Variants in SLC9A9 observed in about 807,000 individuals in gnomAD.
The protein encoded by SLC9A9 is sodium/hydrogen exchanger 9.
Under a neutral mutation model 77.8 loss-of-function variants are expected in SLC9A9, and 62 were observed. That is an observed-to-expected ratio of 0.80 (90% CI 0.65 to 0.98). The LOEUF is 0.98. Ranked by LOEUF, SLC9A9 falls within the 50% of genes least tolerant of loss-of-function variation. The pLI, the probability that SLC9A9 is intolerant of heterozygous loss-of-function variation, is 0.00. For synonymous variants in SLC9A9, 320 were observed against 283.5 expected (o/e 1.13, Z -1.29); for missense variants, 775 against 774.9 (o/e 1.00, Z 0.00).
intron 2 of SLC9A9, among the ~76,000 whole-genome samples, chr3:143,801,854 C>T (rs563878986): frequency 8.5e-5 from 13 of 152,322 alleles, no homozygotes; most frequent in African/African-American, 2.6e-4. Flanking sequence ...CCTTCCACAT[C>T]CTGCACCACC....
rs1687287669 is a variant in SLC9A9, at chr3:143,530,613, T to A, written c.1089+21749A>T. On this transcript the variant is annotated intron_variant, in intron 9 of 15. Transcript: ENST00000316549. ...GACCAAATGGAAAAGTGTGCATGCA[T>A]TATCTCAAGTCCATCAGAAATCTGA... Among the ~76,000 whole-genome samples the A allele has an allele frequency of 2.6e-5, 4 of 152,098 alleles. No homozygotes were observed. In the South Asian group the frequency reaches 8.3e-4, roughly 32 times the overall value.
intron 4 of SLC9A9, among the ~76,000 whole-genome samples, chr3:143,696,829 T>A (rs888092402): frequency 6.6e-6 from 1 of 152,054 alleles, no homozygotes; most frequent in Admixed American, 6.6e-5. Flanking sequence ...TATGGCAGGG[T>A]TACATGGAAA....
At chr3:143,305,172 A>C (rs892382750) in intron 14 of SLC9A9, among the ~76,000 whole-genome samples, 4 of 152,178 alleles carry the variant, frequency 2.6e-5, no homozygotes. Context: ...GGGTAGGCTG[A>C]GAAAGGGAGG....
intron 14 of SLC9A9, among the ~76,000 whole-genome samples, chr3:143,294,806 A>C (rs1559855930): frequency 6.6e-6 from 1 of 152,244 alleles, no homozygotes; most frequent in Non-Finnish European, 1.5e-5. Flanking sequence ...CTGGGATTCC[A>C]ACCTTGATGT....
chr3:143,721,335 T>G (rs979158164), intron 4 of SLC9A9, among the ~76,000 whole-genome samples: 5 of 152,188 alleles, frequency 3.3e-5, no homozygotes, highest in African/African-American at 1.2e-4. Context: ...AAGGAAGACA[T>G]ACACATGAAC....
intron 9 of SLC9A9, among the ~76,000 whole-genome samples, chr3:143,549,403 A>T (rs1263723046): frequency 6.6e-6 from 1 of 152,220 alleles, no homozygotes; most frequent in African/African-American, 2.4e-5. Context: ...ATAAGAAAAA[A>T]ATAAGCAGAA....
rs188385995 is a variant in SLC9A9, at chr3:143,467,584, T to C, written c.1316-394A>G. ...CAAAGCAAGACCCTGTCTCTACAGA[T>C]TTTTTTTTAAATTAGCCAGGCATGG... On this transcript the variant is annotated intron_variant, in intron 11 of 15. Transcript: ENST00000316549. Among the ~76,000 whole-genome samples, 1,243 of 147,734 alleles carry C rather than the reference T, an allele frequency of 8.4e-3. 4 individuals are homozygous for C. Among genetic ancestry groups the C allele is most frequent in the Non-Finnish European group, 0.014 (958 of 67,796 alleles).
chr3:143,367,789 G>A (rs1469609381), intron 13 of SLC9A9, among the ~76,000 whole-genome samples: 1 of 152,122 alleles, frequency 6.6e-6, no homozygotes, highest in Non-Finnish European at 1.5e-5. Flanking sequence ...AGTTGAATCT[G>A]GAACTTGATG....
intron 9 of SLC9A9, chr3:143,518,230 G>C (rs959628519): frequency 4.4e-6 from 7 of 1,594,642 alleles, no homozygotes; most frequent in Non-Finnish European, 5.9e-6. Context: ...GGGGGTCCAT[G>C]GCAGGGAGGT....
chr3:143,599,795 A>T (rs2037814327), intron 6 of SLC9A9, among the ~76,000 whole-genome samples: 1 of 152,248 alleles, frequency 6.6e-6, no homozygotes, highest in Non-Finnish European at 1.5e-5. Flanking sequence ...GACCTGTAAG[A>T]AATCAAAGGG....
At chr3:143,731,890 G>A (rs1199609548) in intron 4 of SLC9A9, among the ~76,000 whole-genome samples, 1 of 152,164 alleles carries the variant, frequency 6.6e-6, no homozygotes, top group Non-Finnish European at 1.5e-5. Flanking sequence ...CAACGGATGT[G>A]AGACATCACT....
chr3:143,344,762 T>A (rs1487047794), intron 14 of SLC9A9, among the ~76,000 whole-genome samples: 1 of 152,180 alleles, frequency 6.6e-6, no homozygotes, highest in Non-Finnish European at 1.5e-5. Context: ...TTTCCTGGCA[T>A]GTAATTGTTT....
At chr3:143,641,554 C>T (rs2038623370) in intron 6 of SLC9A9, among the ~76,000 whole-genome samples, 1 of 151,846 alleles carries the variant, frequency 6.6e-6, no homozygotes, top group African/African-American at 2.4e-5. Flanking sequence ...CCACCATGCC[C>T]AGCTAATTTT....
intron 14 of SLC9A9, among the ~76,000 whole-genome samples, chr3:143,285,792 C>A (rs1171456566): frequency 2.0e-5 from 3 of 151,986 alleles, no homozygotes; most frequent in Non-Finnish European, 4.4e-5. Flanking sequence ...TTAGAGACTT[C>A]CATTTGCAAT....
At chr3:143,346,960 A>C (rs1469750054) in intron 14 of SLC9A9, 1 of 152,222 alleles carries the variant, frequency 6.6e-6, no homozygotes, top group African/African-American at 2.4e-5. Context: ...GCTCAAGAAC[A>C]AGTCTAACTT....
intron 11 of SLC9A9, among the ~76,000 whole-genome samples, chr3:143,473,460 C>T (rs1346861870): frequency 6.6e-6 from 1 of 152,088 alleles, no homozygotes; most frequent in African/African-American, 2.4e-5. Flanking sequence ...GACTGTTATC[C>T]CCACCTCTGT....
chr3:143,292,942 A>G (rs1559855322), intron 14 of SLC9A9, among the ~76,000 whole-genome samples: 1 of 152,080 alleles, frequency 6.6e-6, no homozygotes. Context: ...AATAAGAAAG[A>G]CACTAATTAC....
intron 5 of SLC9A9, among the ~76,000 whole-genome samples, chr3:143,678,115 C>T (rs974714573): frequency 2.6e-5 from 4 of 152,156 alleles, no homozygotes; most frequent in Non-Finnish European, 4.4e-5. Context: ...CATGAGCCAC[C>T]GCGCCCAGCC....
rs2008891838 is a variant in SLC9A9, at chr3:143,812,365, C to T, written c.379-15462G>A. 2.0e-5 allele frequency among the ~76,000 whole-genome samples: 3 copies of T among 152,106 alleles called. No homozygotes were observed. The South Asian group carries it at 6.2e-4, about 32-fold the overall frequency. ...TCATTGAGGATGATTGGACCATGGA[C>T]TAGTTAAATAAATTATGATATAATT... On this transcript the variant is annotated intron_variant, in intron 2 of 15. Transcript: ENST00000316549.
Sources: allele counts gnomAD v4.1 joint callset (sites outside exome capture counted in the v4.1 genomes callset), GRCh38; gene constraint gnomAD v4.1.1; transcripts MANE v1.5; gene names NCBI Gene and HGNC (gene_info 2026-07-23, HGNC 2026-07-21).